XKR4: variants seen among roughly 807,000 people sequenced by gnomAD.
XKR4 encodes the protein XK related 4, also known as XK-related protein 4.
A neutral mutation model predicts 53.9 loss-of-function variants in XKR4; 12 were observed. The ratio of observed to expected loss-of-function variants is 0.22; its 90% CI spans 0.14 to 0.36. The LOEUF (loss-of-function observed/expected upper bound fraction) is 0.36, where lower values mean the gene tolerates loss of function less well. XKR4 is among the 10% of genes least tolerant of loss of function. The probability of loss-of-function intolerance (pLI) is 1.00; values close to 1 mark genes in which losing one functional copy is unlikely to be tolerated. For missense variants in XKR4, 799 were observed against 859.5 expected (o/e 0.93, Z 0.88); for synonymous variants, 354 against 362.4 (o/e 0.98, Z 0.26).
intron 1 of XKR4, among the ~76,000 whole-genome samples, chr8:55,349,681 G>A (rs566451881): frequency 1.3e-5 from 2 of 152,078 alleles, no homozygotes; most frequent in African/African-American, 2.4e-5. Flanking sequence ...ACACACCAAC[G>A]AATGTTAAAC....
intron 2 of XKR4, among the ~76,000 whole-genome samples, chr8:55,463,255 C>T (rs577926155): frequency 6.6e-6 from 1 of 152,266 alleles, no homozygotes; most frequent in South Asian, 2.1e-4. Flanking sequence ...TGTAAAAGAA[C>T]ACAAATTATA....
At position 55,195,324 on chromosome 8, in the gene XKR4, G is replaced by A. The variant is rs1212777746; in HGVS notation, c.806+92030G>A. On this transcript the variant is annotated intron_variant, in intron 1 of 2. Coordinates refer to ENST00000327381, the MANE Select transcript of XKR4 (RefSeq NM_052898.2). ...ACAAAAATAAAATTTAACACTGAGA[G>A]TTCTATGATCATCTCTTTTACATTT... 2.1e-5 allele frequency among the ~76,000 whole-genome samples: 3 copies of A among 141,206 alleles called. 1 individual carries two copies. Among genetic ancestry groups the A allele is most frequent in the Non-Finnish European group, 4.7e-5 (3 of 63,622 alleles). The allele number at this position is 141,206 out of a possible 152,430, so 92.6% of individuals were successfully genotyped here. A position where few individuals can be genotyped will look rare whatever the true frequency, so the allele number is the denominator to read the frequency against.
chr8:55,351,132 T>G (rs1024959815), intron 1 of XKR4, among the ~76,000 whole-genome samples: 1 of 152,206 alleles, frequency 6.6e-6, no homozygotes, highest in Non-Finnish European at 1.5e-5. Flanking sequence ...ACTCCTGAAC[T>G]GCACACTTAA....
chr8:55,256,111 A>T (rs975737030), intron 1 of XKR4, among the ~76,000 whole-genome samples: 6 of 151,930 alleles, frequency 3.9e-5, no homozygotes, highest in Non-Finnish European at 7.4e-5. Flanking sequence ...GCTGAGGCTG[A>T]GGAAGGCAGG....
chr8:55,530,022 G>A lies in XKR4; in HGVS notation c.*5795G>A, dbSNP rs1442411020. 1 of 151,952 alleles carries A rather than the reference G, an allele frequency of 6.6e-6. No individual in the cohort carries two copies. The highest frequency in any genetic ancestry group is 2.4e-5 in the African/African-American group (1 of 41,336). 9.4% of individuals were successfully genotyped at this position (151,952 alleles called of 1,614,324 possible). A position where few individuals can be genotyped will look rare whatever the true frequency, so the allele number is the denominator to read the frequency against. Reference sequence around the variant, plus strand: ...GCCATGTCTCTTGTATTTTATATGTGTATGCTGTTTTCATCCAATTAAGCA... The same window carrying A: ...GCCATGTCTCTTGTATTTTATATGTATATGCTGTTTTCATCCAATTAAGCA... On this transcript the variant is annotated 3_prime_UTR_variant, in exon 3 of 3. Coordinates refer to ENST00000327381, the MANE Select transcript of XKR4 (RefSeq NM_052898.2).
At chr8:55,346,604 T>A (rs1803645738) in intron 1 of XKR4, among the ~76,000 whole-genome samples, 1 of 152,148 alleles carries the variant, frequency 6.6e-6, no homozygotes. Flanking sequence ...GTGAGTGTCC[T>A]TGTTGCTTAG....
chr8:55,380,170 T>C (rs957621058), intron 2 of XKR4, among the ~76,000 whole-genome samples: 1 of 152,206 alleles, frequency 6.6e-6, no homozygotes, highest in African/African-American at 2.4e-5. Context: ...GCAACATCTG[T>C]TTCTCTCAAA....
chr8:55,357,142 G>A (rs575040625), intron 1 of XKR4, among the ~76,000 whole-genome samples: 1 of 152,248 alleles, frequency 6.6e-6, no homozygotes, highest in Non-Finnish European at 1.5e-5. Flanking sequence ...ATTGTTCAAG[G>A]ATCAACTGTA....
intron 2 of XKR4, among the ~76,000 whole-genome samples, chr8:55,360,662 A>C (rs1803888506): frequency 6.6e-6 from 1 of 152,228 alleles, no homozygotes; most frequent in African/African-American, 2.4e-5. Flanking sequence ...TGACTGTCTA[A>C]AATTACTATT....
At chr8:55,273,028 G>A (rs1818714435) in intron 1 of XKR4, 3 of 370,456 alleles carry the variant, frequency 8.1e-6, no homozygotes, top group South Asian at 6.1e-5. Context: ...GTGATGTGGT[G>A]ATGTAATTCC....
intron 2 of XKR4, among the ~76,000 whole-genome samples, chr8:55,493,297 A>G (rs927890001): frequency 1.3e-5 from 2 of 152,310 alleles, no homozygotes; most frequent in African/African-American, 4.8e-5. Context: ...CTCTTCCCTG[A>G]TACAGCATGT....
chr8:55,345,582 G>A (rs1803624260), intron 1 of XKR4, among the ~76,000 whole-genome samples: 1 of 152,182 alleles, frequency 6.6e-6, no homozygotes, highest in Admixed American at 6.5e-5. Flanking sequence ...CCCTTGGGAA[G>A]AAAAATTAAA....
At chr8:55,303,608 C>T (rs1819240639) in intron 1 of XKR4, among the ~76,000 whole-genome samples, 1 of 152,178 alleles carries the variant, frequency 6.6e-6, no homozygotes, top group South Asian at 2.1e-4. Context: ...TAGAATTTGG[C>T]TATGAATCCA....
chr8:55,231,237 G>A (rs1818034833), intron 1 of XKR4, among the ~76,000 whole-genome samples: 1 of 152,174 alleles, frequency 6.6e-6, no homozygotes, highest in Non-Finnish European at 1.5e-5. Flanking sequence ...ATCTGAATAT[G>A]AGGAATGAAC....
chr8:55,521,234 T>C (rs1806791666), intron 2 of XKR4, among the ~76,000 whole-genome samples: 1 of 152,238 alleles, frequency 6.6e-6, no homozygotes, highest in Non-Finnish European at 1.5e-5. Context: ...AAGAGAGATA[T>C]GAGCGGCTTC....
At chr8:55,111,184 C>A (rs1816225810) in intron 1 of XKR4, among the ~76,000 whole-genome samples, 2 of 152,112 alleles carry the variant, frequency 1.3e-5, no homozygotes, top group Admixed American at 1.3e-4. Context: ...GGTCATGTGC[C>A]ATTGTGGGTG....
At chr8:55,231,770 T>G (rs923900290) in intron 1 of XKR4, among the ~76,000 whole-genome samples, 1 of 152,174 alleles carries the variant, frequency 6.6e-6, no homozygotes, top group African/African-American at 2.4e-5. Flanking sequence ...TGGACACAGG[T>G]TCTAGAGTGG....
chr8:55,455,552 G>A (rs1166243980), intron 2 of XKR4, among the ~76,000 whole-genome samples: 1 of 152,038 alleles, frequency 6.6e-6, no homozygotes, highest in Non-Finnish European at 1.5e-5. Context: ...AAACTCAGTA[G>A]GAAACAAAAA....
intron 1 of XKR4, among the ~76,000 whole-genome samples, chr8:55,148,101 G>A (rs1021709781): frequency 2.0e-5 from 3 of 152,120 alleles, no homozygotes; most frequent in African/African-American, 7.2e-5. Context: ...CATGAACACC[G>A]AGTGCTCAAG....
Sources: allele counts gnomAD v4.1 joint callset (sites outside exome capture counted in the v4.1 genomes callset), GRCh38; gene constraint gnomAD v4.1.1; transcripts MANE v1.5; gene names NCBI Gene and HGNC (gene_info 2026-07-23, HGNC 2026-07-21).